Variants in YME1L1 observed in about 807,000 individuals in gnomAD.
YME1L1 encodes the protein ATP-dependent zinc metalloprotease YME1L1.
YME1L1 carries 39 observed loss-of-function variants against 90.4 expected under a neutral mutation model. That is an observed-to-expected ratio of 0.43 (90% CI 0.33 to 0.56). YME1L1 has a LOEUF of 0.56. YME1L1 is among the 20% of genes least tolerant of loss of function. The probability of loss-of-function intolerance (pLI) is 0.03; values close to 1 mark genes in which losing one functional copy is unlikely to be tolerated. For synonymous variants in YME1L1, 284 were observed against 287.3 expected (o/e 0.99, Z 0.12); for missense variants, 617 against 868.4 (o/e 0.71, Z 3.64).
At chr10:27,152,987 G>C (rs565979919) in intron 1 of YME1L1, among the ~76,000 whole-genome samples, 88 of 152,238 alleles carry the variant, frequency 5.8e-4, no homozygotes, top group African/African-American at 2.0e-3. Flanking sequence ...TTTACTCCCT[G>C]TATGATCTGC....
chr10:27,154,269 G>A lies in YME1L1; in HGVS notation c.-59C>T. The A allele has an allele frequency of 1.3e-6, 2 of 1,559,864 alleles. No individual in the cohort carries two copies. Among genetic ancestry groups the A allele is most frequent in the Non-Finnish European group, 1.7e-6 (2 of 1,150,298 alleles). ...CCGAAACTGTGCCCCTCTGTCCACG[G>A]CCCGGCGGGGAGGCGCTGAGCCCTT... On this transcript the variant is annotated 5_prime_UTR_variant, in exon 1 of 19. Transcript: ENST00000376016.
chr10:27,116,041 G>T lies in YME1L1; in HGVS notation c.1920+19C>A, dbSNP rs755566265. On this transcript the variant is annotated intron_variant, in intron 17 of 18. Transcript: ENST00000376016. Reference sequence around the variant, plus strand: ...GACACATAATTTGATACATGAAAAGGATTTAAAAAATCTATTACCTTTTCA... The same window carrying T: ...GACACATAATTTGATACATGAAAAGTATTTAAAAAATCTATTACCTTTTCA... The T allele has an allele frequency of 6.3e-7, 1 of 1,598,640 alleles. No homozygotes were observed. The highest frequency in any genetic ancestry group is 1.1e-5 in the South Asian group (1 of 89,452).
At chr10:27,130,561 T>C (rs2056965503) in intron 8 of YME1L1, among the ~76,000 whole-genome samples, 1 of 152,186 alleles carries the variant, frequency 6.6e-6, no homozygotes, top group South Asian at 2.1e-4. Flanking sequence ...CTCACAGCCT[T>C]TTAAAACCTC....
intron 1 of YME1L1, among the ~76,000 whole-genome samples, chr10:27,152,526 T>C (rs1588621557): frequency 6.6e-6 from 1 of 152,340 alleles, no homozygotes; most frequent in East Asian, 1.9e-4. Context: ...ATTCAGTTGA[T>C]GGTAAATTCT....
intron 1 of YME1L1, 118 bp from the exon 2 acceptor site, chr10:27,149,158 C>T (rs1296822685): frequency 2.3e-6 from 2 of 854,488 alleles, no homozygotes; most frequent in East Asian, 2.8e-5. Context: ...ACTCTGTATA[C>T]TAAAAACTGT....
rs186294784 is a variant in YME1L1 at position 27,136,467 on chromosome 10, C to G, written c.431-82G>C. ...GCCTAAGATTCTAAAGTCTGACACC[C>G]TACCTGTATATCCTAGTCTATCTAA... On this transcript the variant is annotated intron_variant, in intron 4 of 18. Transcript: ENST00000376016. The G allele has an allele frequency of 2.4e-5, 27 of 1,104,800 alleles. No individual in the cohort carries two copies. In the Admixed American group the frequency reaches 3.6e-4, roughly 15 times the overall value. 68.4% of individuals were successfully genotyped at this position (1,104,800 alleles called of 1,614,324 possible).
intron 2 of YME1L1, 62 bp downstream of exon 2, chr10:27,148,844 T>C: frequency 1.3e-6 from 2 of 1,586,362 alleles, no homozygotes; most frequent in Non-Finnish European, 1.7e-6. Flanking sequence ...TAATCCTTCA[T>C]TTGTTTAAGG....
intron 14 of YME1L1, among the ~76,000 whole-genome samples, chr10:27,118,962 C>T (rs1296096903): frequency 6.6e-6 from 1 of 152,042 alleles, no homozygotes; most frequent in African/African-American, 2.4e-5. Context: ...TTCATGTTCC[C>T]ATCACTTTTT....
chr10:27,136,700 TTTATTTATTTATTTA>T (rs1265971377), intron 4 of YME1L1, among the ~76,000 whole-genome samples: 2 of 2,194 alleles, frequency 9.1e-4, no homozygotes, highest in Admixed American at 0.015. Flanking sequence ...CAAAAGGAAC[TTTATTTATTTATTTA>T]TTTATTTATT....
At chr10:27,150,816 T>C (rs1052907332) in intron 1 of YME1L1, among the ~76,000 whole-genome samples, 2 of 152,104 alleles carry the variant, frequency 1.3e-5, no homozygotes, top group African/African-American at 4.8e-5. Context: ...ACTGTAGGTA[T>C]CCTTCGTGGA....
At chr10:27,114,445 C>CTGTTATT (rs1324095431) in intron 18 of YME1L1, 76 bp downstream of exon 18, 1 of 1,144,646 alleles carries the variant, frequency 8.7e-7, no homozygotes, top group Non-Finnish European at 1.3e-6. Flanking sequence ...GGGCCTTCAG[C>CTGTTATT]TGTTATTTTT....
chr10:27,139,196 T>C (rs9703400), intron 4 of YME1L1, among the ~76,000 whole-genome samples: 2 of 152,172 alleles, frequency 1.3e-5, no homozygotes, highest in South Asian at 2.1e-4. Flanking sequence ...TACATACATA[T>C]ATACATATAT....
chr10:27,117,250 T>C (rs2056822542), intron 15 of YME1L1, among the ~76,000 whole-genome samples: 1 of 152,148 alleles, frequency 6.6e-6, no homozygotes, highest in Non-Finnish European at 1.5e-5. Flanking sequence ...TGTTTTCCCT[T>C]TTGGGGCAGC....
In YME1L1 at chr10:27,154,240, C is replaced by A. The variant is rs1021253654; in HGVS notation, c.-30G>T. The A allele has an allele frequency of 1.3e-5, 20 of 1,581,514 alleles. No homozygotes were observed. Among genetic ancestry groups the A allele is most frequent in the Non-Finnish European group, 1.7e-5 (20 of 1,163,046 alleles). Reference sequence around the variant, plus strand: ...GGCGGGCCCTCAGCGACCTCACCCGCCTGCCGAAACTGTGCCCCTCTGTCC... The same window carrying A: ...GGCGGGCCCTCAGCGACCTCACCCGACTGCCGAAACTGTGCCCCTCTGTCC... On this transcript the variant is annotated 5_prime_UTR_variant, in exon 1 of 19. Transcript: ENST00000376016.
intron 11 of YME1L1, among the ~76,000 whole-genome samples, chr10:27,121,805 T>C (rs7915902): frequency 0.84 from 126,935 of 150,512 alleles, 53,818 homozygotes; most frequent in East Asian, 0.99. Flanking sequence ...AGTTCAATGG[T>C]GCTCACTGCA....
chr10:27,151,491 C>T (rs1037509546), intron 1 of YME1L1, among the ~76,000 whole-genome samples: 1 of 152,220 alleles, frequency 6.6e-6, no homozygotes, highest in African/African-American at 2.4e-5. Flanking sequence ...GATTTAGAAT[C>T]TGACTCAAAA....
chr10:27,129,085 CAAAAAAAAAAA>C (rs71523559), intron 8 of YME1L1, among the ~76,000 whole-genome samples: 48 of 48,522 alleles, frequency 9.9e-4, no homozygotes, highest in African/African-American at 3.5e-3. Flanking sequence ...GACCCTGTCT[CAAAAAAAAAAA>C]AAAAAAAAAA....
At chr10:27,141,917 C>T (rs1291218619) in intron 4 of YME1L1, among the ~76,000 whole-genome samples, 1 of 152,204 alleles carries the variant, frequency 6.6e-6, no homozygotes. Context: ...ACATCTATCA[C>T]TAGTGCCTTG....
intron 7 of YME1L1, 56 bp downstream of exon 7, chr10:27,133,983 G>T (rs1157542343): frequency 2.5e-6 from 3 of 1,217,088 alleles, no homozygotes; most frequent in African/African-American, 3.1e-5. Flanking sequence ...GCATTAAAAG[G>T]AATCATGTAT....
Sources: gnomAD v4.1 joint callset for allele counts (sites outside exome capture counted in the v4.1 genomes callset) on GRCh38, gnomAD v4.1.1 for gene constraint, MANE v1.5 for transcripts, NCBI Gene and HGNC (gene_info 2026-07-23, HGNC 2026-07-21) for gene names.